Variants in FER1L5 observed in about 807,000 individuals in gnomAD.
The protein encoded by FER1L5 is fer-1 like family member 5.
Under a neutral mutation model 279.9 loss-of-function variants are expected in FER1L5, and 187 were observed. The observed-to-expected ratio is 0.67, with a 90% CI of 0.59 to 0.75. FER1L5 has a LOEUF of 0.75. Ranked by LOEUF, FER1L5 falls within the 30% of genes least tolerant of loss-of-function variation. The pLI is 0.00. For synonymous variants in FER1L5, 921 were observed against 989.7 expected (o/e 0.93, Z 1.30); for missense variants, 2,091 against 2,594.4 (o/e 0.81, Z 4.21).
rs777337318 is a variant in FER1L5, at chr2:96,699,680, G to C, written c.4741G>C (p.Gly1581Arg). 1.2e-6 allele frequency: 2 copies of C among 1,613,994 alleles called. No individual in the cohort carries two copies. Among genetic ancestry groups the C allele is most frequent in the South Asian group, 2.2e-5 (2 of 91,080 alleles). ...CGACCTTGAAAACCGACTCCTATCT[G>C]GCTTTGGAGCTCATTGTGGGCTCTC... ...VIDLENRLLS[G>R]FGAHCGLSKS... Residue 1581 changes from glycine (G) to arginine (R), a missense_variant, in exon 43 of 53, where the codon GGC (glycine) becomes CGC (arginine). Coordinates refer to ENST00000624922, the MANE Select transcript of FER1L5 (RefSeq NM_001293083.2).
intron 17 of FER1L5, among the ~76,000 whole-genome samples, chr2:96,669,723 C>T (rs1206602214): frequency 6.6e-6 from 1 of 152,198 alleles, no homozygotes; most frequent in Non-Finnish European, 1.5e-5. Context: ...CACCACACAG[C>T]CTCCAGCAGG....
At position 96,691,071 on chromosome 2, in the gene FER1L5, G is replaced by A; in HGVS notation, c.2744-119G>A. Reference sequence around the variant, plus strand: ...CCACACTCTCCTTTCCACACCTCAGGGCCAGAGACCTGGATGTGAGGGAAG... The same window carrying A: ...CCACACTCTCCTTTCCACACCTCAGAGCCAGAGACCTGGATGTGAGGGAAG... On this transcript the variant is annotated intron_variant, in intron 27 of 52. Transcript: ENST00000624922. This position sits in a 1 kb window ranked among gnomAD's most constrained non-coding sequence, Gnocchi z 6.0. 1 of 1,300,980 alleles carries A rather than the reference G, an allele frequency of 7.7e-7. No individual in the cohort carries two copies. Among genetic ancestry groups the A allele is most frequent in the Non-Finnish European group, 1.0e-6 (1 of 970,922 alleles). 80.6% of individuals were successfully genotyped at this position (1,300,980 alleles called of 1,614,324 possible).
At chr2:96,701,224 C>T (rs1418814386) in intron 45 of FER1L5, among the ~76,000 whole-genome samples, 1 of 152,214 alleles carries the variant, frequency 6.6e-6, no homozygotes, top group South Asian at 2.1e-4. Flanking sequence ...GCACGAGAAT[C>T]GCTTGAGCCT....
At chr2:96,669,926 G>A (rs1230573798) in intron 17 of FER1L5, among the ~76,000 whole-genome samples, 193 bp from the exon 18 acceptor site, 3 of 152,186 alleles carry the variant, frequency 2.0e-5, no homozygotes, top group Non-Finnish European at 2.9e-5. Context: ...ATCCCAGGGT[G>A]CAGAAGAGGG....
At chr2:96,649,724 C>G in intron 5 of FER1L5, 47 bp downstream of exon 5, 1 of 1,535,266 alleles carries the variant, frequency 6.5e-7, no homozygotes, top group Non-Finnish European at 8.8e-7. Flanking sequence ...CCCTGCCTTT[C>G]TGCATGCACA....
chr2:96,650,927 C>G (rs889003843), intron 6 of FER1L5, among the ~76,000 whole-genome samples: 1 of 152,258 alleles, frequency 6.6e-6, no homozygotes, highest in African/African-American at 2.4e-5. Flanking sequence ...GTTCCCTGGC[C>G]TGAGCCACCA....
At chr2:96,663,582 G>C (rs1358295393) in intron 14 of FER1L5, 75 bp downstream of exon 14, 1 of 1,507,758 alleles carries the variant, frequency 6.6e-7, no homozygotes, top group Non-Finnish European at 9.0e-7. Flanking sequence ...GATTGTGTGG[G>C]GGTGAAGACA....
At chr2:96,693,426 C>A in intron 31 of FER1L5, 80 bp from the exon 32 acceptor site, 2 of 1,407,634 alleles carry the variant, frequency 1.4e-6, no homozygotes, top group South Asian at 2.9e-5. Flanking sequence ...CCCACTGGGT[C>A]CAGTGGCTGC....
Position 96,694,182 on chromosome 2 carries a change from A to C in FER1L5, c.3636+110A>C. ...CCCTGTCAGGAAATGCCTGGGGCCCAGGATCCCGAGCTGTGGGCTTGGTGA... is the reference window on the plus strand; with the variant it reads ...CCCTGTCAGGAAATGCCTGGGGCCCCGGATCCCGAGCTGTGGGCTTGGTGA... On this transcript the variant is annotated intron_variant, in intron 33 of 52. Transcript: ENST00000624922. The surrounding 1 kb of genome is among the most constrained non-coding windows in gnomAD (Gnocchi z 4.6). The C allele has an allele frequency of 1.4e-6, 2 of 1,422,316 alleles. No individual in the cohort carries two copies. Among genetic ancestry groups the C allele is most frequent in the Non-Finnish European group, 1.9e-6 (2 of 1,074,626 alleles). 88.1% of individuals were successfully genotyped at this position (1,422,316 alleles called of 1,614,324 possible).
chr2:96,698,128 T>G lies in FER1L5; in HGVS notation c.4328T>G (p.Leu1443Trp). The G allele has an allele frequency of 6.3e-7, 1 of 1,577,268 alleles. No individual in the cohort carries two copies. The highest frequency in any genetic ancestry group is 1.7e-4 in the Middle Eastern group (1 of 6,022). Residue 1443 changes from leucine (L) to tryptophan (W), a missense_variant, in exon 40 of 53, where the codon TTG (leucine) becomes TGG (tryptophan). Coordinates refer to ENST00000624922, the MANE Select transcript of FER1L5 (RefSeq NM_001293083.2). This position sits in a 1 kb window ranked among gnomAD's most constrained non-coding sequence, Gnocchi z 5.5. Reference protein sequence around the residue: ...TFKLYQEQPKLDSPVVGEFKG... With the variant: ...TFKLYQEQPKWDSPVVGEFKG... ...AAACTCTACCAGGAGCAGCCCAAGTTGGACAGCCCCGTGGTAGGGGAGTTC... is the reference window on the plus strand; with the variant it reads ...AAACTCTACCAGGAGCAGCCCAAGTGGGACAGCCCCGTGGTAGGGGAGTTC...
chr2:96,651,267 CTTT>C (rs2075360196), intron 6 of FER1L5, among the ~76,000 whole-genome samples: 1 of 150,054 alleles, frequency 6.7e-6, no homozygotes, highest in African/African-American at 2.5e-5. Context: ...TTCTTTCTTT[CTTT>C]CTTTCTTTCT....
rs777992671 is a variant in FER1L5, at chr2:96,663,439, C to G, written c.1072C>G (p.Leu358Val). ...QLEVELIGEK[L>V]RTHMQTQTDN... is the part of the protein sequence containing the mutation. ...CCAACACTGCTTTGGGACATTCCAG[C>G]TCAGGACACACATGCAGACCCAAAC... The change falls in exon 14 of 53, where the codon CTC (leucine) becomes GTC (valine). Residue 358 changes from leucine (L) to valine (V), a missense_variant and splice_region_variant. Physicochemically the swap from Leu to Val is conservative, Grantham distance 32. Transcript: ENST00000624922. 1.2e-5 allele frequency: 18 copies of G among 1,551,590 alleles called. No individual in the cohort carries two copies. The highest frequency in any genetic ancestry group is 1.6e-5 in the Non-Finnish European group (18 of 1,146,922).
chr2:96,700,527 C>A, intron 45 of FER1L5, 56 bp downstream of exon 45: 6 of 1,604,760 alleles, frequency 3.7e-6, no homozygotes, highest in Non-Finnish European at 3.4e-6. Context: ...GATCAGGAGA[C>A]AGAGATGCCT....
chr2:96,662,383 G>A lies in FER1L5; in HGVS notation c.1071+116G>A. 4 of 934,462 alleles carry A rather than the reference G, an allele frequency of 4.3e-6. No homozygotes were observed. In the Middle Eastern group the frequency reaches 9.0e-4, roughly 211 times the overall value. The allele number at this position is 934,462 out of a possible 1,614,324, so 57.9% of individuals were successfully genotyped here. A position where few individuals can be genotyped will look rare whatever the true frequency, so the allele number is the denominator to read the frequency against. On this transcript the variant is annotated intron_variant, in intron 13 of 52. Transcript: ENST00000624922. ...GAATCATCTCCCAGTCACCCACTGAGAGAAGTATGCACCCCTGCACCTGGA... is the reference window on the plus strand; with the variant it reads ...GAATCATCTCCCAGTCACCCACTGAAAGAAGTATGCACCCCTGCACCTGGA...
chr2:96,703,698 A>ATGGAGAG, intron 51 of FER1L5, 66 bp downstream of exon 51: 3 of 1,443,834 alleles, frequency 2.1e-6, no homozygotes, highest in Non-Finnish European at 2.9e-6. Context: ...GGTGGTGACC[A>ATGGAGAG]GTGGGCCTAT....
intron 44 of FER1L5, 85 bp downstream of exon 44, chr2:96,700,165 G>A: frequency 1.3e-6 from 2 of 1,570,702 alleles, no homozygotes; most frequent in Admixed American, 1.9e-5. Context: ...CTGCAGACTT[G>A]GGGGAGAAAG....
chr2:96,647,659 C>T (rs1295258068), intron 3 of FER1L5, 119 bp from the exon 4 acceptor site: 2 of 706,808 alleles, frequency 2.8e-6, no homozygotes, highest in Non-Finnish European at 4.8e-6. Flanking sequence ...TCTCCAGCCT[C>T]TCTCTGAGGA....
chr2:96,646,913 C>T (rs993367473), intron 2 of FER1L5, 151 bp from the exon 3 acceptor site: 27 of 804,010 alleles, frequency 3.4e-5, no homozygotes, highest in Middle Eastern at 2.6e-4. Context: ...AGGTAGCAAA[C>T]GCCATCTCCT....
intron 14 of FER1L5, among the ~76,000 whole-genome samples, chr2:96,666,693 C>T (rs1250652952): frequency 6.6e-6 from 1 of 151,830 alleles, no homozygotes; most frequent in Non-Finnish European, 1.5e-5. Context: ...CTCTGTTGCC[C>T]AGGCTAGACT....
Sources: allele counts gnomAD v4.1 joint callset (sites outside exome capture counted in the v4.1 genomes callset), GRCh38; gene constraint gnomAD v4.1.1; non-coding constraint Gnocchi (gnomAD v3.1); transcripts MANE v1.5; gene names NCBI Gene and HGNC (gene_info 2026-07-23, HGNC 2026-07-21).